The following UBR2 variants were observed in gnomAD, a reference collection of about 807,000 sequenced individuals.
UBR2 encodes ubiquitin protein ligase E3 component n-recognin 2, also known as E3 ubiquitin-protein ligase UBR2.
In UBR2, 92 loss-of-function variants were observed where a neutral mutation model predicts 247.9. The ratio of observed to expected loss-of-function variants is 0.37; its 90% confidence interval spans 0.31 to 0.44. UBR2 has a LOEUF of 0.44. Ranked by LOEUF, UBR2 falls within the 20% of genes least tolerant of loss-of-function variation. The pLI is 1.00. For missense variants in UBR2, 1,613 were observed against 2,112.6 expected, an observed-to-expected ratio of 0.76 and a Z score of 4.64; for synonymous variants, 672 against 693.5, an observed-to-expected ratio of 0.97 and a Z score of 0.49.
chr6:42,671,108 C>A (rs535905508), intron 36 of UBR2, among the ~76,000 whole-genome samples: 1 of 151,658 alleles, frequency 6.6e-6, no homozygotes, highest in Non-Finnish European at 1.5e-5. Flanking sequence ...TCGCTTGAAC[C>A]CGGGAGGCAG....
intron 13 of UBR2, among the ~76,000 whole-genome samples, chr6:42,634,477 T>C (rs1795956804): frequency 6.6e-6 from 1 of 152,222 alleles, no homozygotes; most frequent in African/African-American, 2.4e-5. Flanking sequence ...ATTTTGGAGG[T>C]GGAGGTTTGC....
chr6:42,623,270 A>G (rs552388548), intron 11 of UBR2, among the ~76,000 whole-genome samples: 1 of 152,114 alleles, frequency 6.6e-6, no homozygotes, highest in Non-Finnish European at 1.5e-5. Flanking sequence ...TTATCAGATT[A>G]GAGAAATTTT....
chr6:42,573,135 G>A (rs540810182), intron 1 of UBR2, among the ~76,000 whole-genome samples: 1 of 152,036 alleles, frequency 6.6e-6, no homozygotes, highest in Middle Eastern at 3.2e-3. Context: ...TTTTTAGTGG[G>A]GAGAGCAAAC....
At chr6:42,593,753 T>C (rs773883612) in intron 3 of UBR2, among the ~76,000 whole-genome samples, 1 of 152,192 alleles carries the variant, frequency 6.6e-6, no homozygotes, top group Non-Finnish European at 1.5e-5. Context: ...TCTATAGTCT[T>C]TGTTGGTTAA....
intron 44 of UBR2, among the ~76,000 whole-genome samples, chr6:42,687,593 T>A (rs1799518683): frequency 6.6e-6 from 1 of 152,070 alleles, no homozygotes; most frequent in African/African-American, 2.4e-5. Context: ...CAGGCTGGAG[T>A]GCAGTGGTGT....
At chr6:42,579,562 G>A (rs1198244916) in intron 2 of UBR2, among the ~76,000 whole-genome samples, 4 of 152,108 alleles carry the variant, frequency 2.6e-5, no homozygotes, top group Non-Finnish European at 4.4e-5. Context: ...CCATTCTGTC[G>A]CTTAGTCTAG....
At chr6:42,600,024 A>C (rs1038070541) in intron 4 of UBR2, among the ~76,000 whole-genome samples, 1 of 152,212 alleles carries the variant, frequency 6.6e-6, no homozygotes, top group African/African-American at 2.4e-5. Context: ...TTATGAGATA[A>C]TTGAGGTTGT....
In UBR2 at chr6:42,648,138, GGA is replaced by G; in HGVS notation, c.2434_2435del (p.Ser812CysfsTer20). The G allele has an allele frequency of 6.2e-7, 1 of 1,613,968 alleles. No homozygotes were observed. The highest frequency in any genetic ancestry group is 8.5e-7 in the Non-Finnish European group (1 of 1,179,878). ...TTTAGGAGAACAAGGAGACTGGCATGGAGAGTGTAATCGAAGCAGTTGCCCAT... is the reference window on the plus strand; with the variant it reads ...TTTAGGAGAACAAGGAGACTGGCATGGAGTGTAATCGAAGCAGTTGCCCAT... Reference protein sequence around the residue: ...PEDENKETGMESVIEAVAHFK... With the variant: ...PEDENKETGMXSVIEAVAHFK... On this transcript the variant is annotated frameshift_variant, in exon 22 of 47. Transcript: ENST00000372901. LOFTEE classifies it high-confidence loss of function.
At chr6:42,667,443 TAGAC>T (rs1344298528) in intron 34 of UBR2, among the ~76,000 whole-genome samples, 1 of 151,894 alleles carries the variant, frequency 6.6e-6, no homozygotes, top group Non-Finnish European at 1.5e-5. Flanking sequence ...TATTTCTAAT[TAGAC>T]AGTATCTTCA....
chr6:42,604,892 T>C (rs1011349126), intron 5 of UBR2, among the ~76,000 whole-genome samples: 1 of 151,878 alleles, frequency 6.6e-6, no homozygotes, highest in African/African-American at 2.4e-5. Context: ...CTGGGCAGGG[T>C]AGTGCATGCC....
Position 42,564,103 on chromosome 6 carries a change from A to C in UBR2, c.-217A>C. On this transcript the variant is annotated 5_prime_UTR_variant, in exon 1 of 47. Coordinates refer to ENST00000372901, the MANE Select transcript of UBR2 (RefSeq NM_001363705.2). The stretch of plus-strand genomic sequence containing the variant: ...GGGTCAGGGACGAGCCAGTGACTTG[A>C]CTCTTGGGCGCTAAGCTTGGGAGGG... The C allele has an allele frequency of 1.8e-6, 1 of 560,840 alleles. No individual in the cohort carries two copies. The allele number at this position is 560,840 out of a possible 1,614,324, so 34.7% of individuals were successfully genotyped here.
Position 42,683,108 on chromosome 6 carries a change from T to C in UBR2, c.4772T>C (p.Ile1591Thr). ...KRYLEGERDA[I>T]RYPRESNKLI... The stretch of plus-strand genomic sequence containing the variant: ...TATCTAGAAGGTGAAAGAGATGCTA[T>C]AAGGTAAGTTAAAGAGCCTCAAAAA... Residue 1591 changes from isoleucine to threonine, a missense_variant, in exon 43 of 47, where the codon ATA becomes ACA. Ile to Thr is a moderately conservative substitution (Grantham distance 89). Transcript: ENST00000372901. The C allele has an allele frequency of 6.2e-7, 1 of 1,612,284 alleles. No homozygotes were observed. The highest frequency in any genetic ancestry group is 8.5e-7 in the Non-Finnish European group (1 of 1,179,138).
chr6:42,668,117 T>G (rs1238281846), intron 34 of UBR2, among the ~76,000 whole-genome samples: 2 of 152,088 alleles, frequency 1.3e-5, no homozygotes, highest in African/African-American at 2.4e-5. Context: ...GCTAGGTCCC[T>G]CCTTCCCCTA....
chr6:42,588,809 A>G (rs1051575956), intron 2 of UBR2, among the ~76,000 whole-genome samples: 1 of 152,002 alleles, frequency 6.6e-6, no homozygotes, highest in Non-Finnish European at 1.5e-5. Flanking sequence ...CTGGCCCTGT[A>G]CTGAGGCTGT....
At chr6:42,660,494 A>T (rs1797734050) in intron 30 of UBR2, among the ~76,000 whole-genome samples, 1 of 151,952 alleles carries the variant, frequency 6.6e-6, no homozygotes, top group Non-Finnish European at 1.5e-5. Context: ...TACCCAGTAA[A>T]CTTCTTGAGA....
Position 42,659,577 on chromosome 6 carries a change from C to A in UBR2, c.3243-79C>A. 1 of 1,126,428 alleles carries A rather than the reference C, an allele frequency of 8.9e-7. No homozygotes were observed. Among genetic ancestry groups the A allele is most frequent in the Non-Finnish European group, 1.3e-6 (1 of 775,970 alleles). The allele number at this position is 1,126,428 out of a possible 1,614,324, so 69.8% of individuals were successfully genotyped here. On this transcript the variant is annotated intron_variant, in intron 29 of 46. Coordinates refer to ENST00000372901, the MANE Select transcript of UBR2 (RefSeq NM_001363705.2). The surrounding 1 kb of genome is among the most constrained non-coding windows in gnomAD (Gnocchi z 4.3). ...CACACACACACTACACACACACACA[C>A]ATACCTGTAGTCTGCTATTTTGTGA...
chr6:42,652,222 A>C (rs1797161046), intron 24 of UBR2, 151 bp downstream of exon 24: 1 of 852,222 alleles, frequency 1.2e-6, no homozygotes. Flanking sequence ...AATAATAAAT[A>C]TGTTAACACA....
chr6:42,683,133 A>G, intron 43 of UBR2, 22 bp downstream of exon 43: 1 of 1,600,790 alleles, frequency 6.2e-7, no homozygotes, highest in Non-Finnish European at 8.5e-7. Context: ...AGCCTCAAAA[A>G]CTTTATTGAG....
chr6:42,567,546 T>C (rs1329319219), intron 1 of UBR2, among the ~76,000 whole-genome samples: 3 of 152,036 alleles, frequency 2.0e-5, no homozygotes, highest in Non-Finnish European at 2.9e-5. Context: ...CTGGCCAACA[T>C]GGTGAAACCC....
Sources: allele counts gnomAD v4.1 joint callset (sites outside exome capture counted in the v4.1 genomes callset), GRCh38; gene constraint gnomAD v4.1.1; non-coding constraint Gnocchi (gnomAD v3.1); transcripts MANE v1.5; gene names NCBI Gene and HGNC (gene_info 2026-07-23, HGNC 2026-07-21).